Variants in ACACA observed in about 807,000 individuals in gnomAD.
ACACA encodes the protein acetyl-CoA carboxylase alpha.
Under a neutral mutation model 296.1 loss-of-function variants are expected in ACACA, and 103 were observed. The observed-to-expected ratio is 0.35, with a 90% CI of 0.30 to 0.41. The LOEUF (loss-of-function observed/expected upper bound fraction) is 0.41. Among genes scored for constraint, ACACA ranks in the 10% least tolerant of loss-of-function variants. ACACA has a pLI of 1.00. For synonymous variants in ACACA, 953 were observed against 1,038.6 expected (o/e 0.92, Z 1.58); for missense variants, 1,554 against 2,989.7 (o/e 0.52, Z 11.20).
At chr17:37,183,878 G>A (rs1598098530) in intron 39 of ACACA, among the ~76,000 whole-genome samples, 1 of 138,752 alleles carries the variant, frequency 7.2e-6, no homozygotes, top group Admixed American at 7.2e-5. Context: ...TGGAGACGGA[G>A]TTTCACTCTT....
chr17:37,389,617 G>A lies in ACACA; in HGVS notation c.38+16645C>T, dbSNP rs181818800. On this transcript the variant is annotated intron_variant, in intron 1 of 55. Coordinates refer to ENST00000616317, the MANE Select transcript of ACACA (RefSeq NM_198834.3). ...CAGGAGAATCGCTTGAACCTGGGAG[G>A]TGGAGGTTGCAGTGAGCCGAGATTG... Among the ~76,000 whole-genome samples the A allele has an allele frequency of 3.0e-4, 45 of 152,086 alleles. 1 individual carries two copies. Among genetic ancestry groups the A allele is most frequent in the African/African-American group, 1.1e-3 (45 of 41,478 alleles).
At position 37,097,557 on chromosome 17, in the gene ACACA, C is replaced by T. The variant is rs539633196; in HGVS notation, c.6720+273G>A. On this transcript the variant is annotated intron_variant, in intron 53 of 55. Coordinates refer to ENST00000616317, the MANE Select transcript of ACACA (RefSeq NM_198834.3). The surrounding 1 kb of genome is among the most constrained non-coding windows in gnomAD (Gnocchi z 4.8). ...TATAGTAACCCACATCCTGAGGACCCGTCACCAATGAAGTCACATGTGACT... is the reference window on the plus strand; with the variant it reads ...TATAGTAACCCACATCCTGAGGACCTGTCACCAATGAAGTCACATGTGACT... 3.2e-4 allele frequency among the ~76,000 whole-genome samples: 48 copies of T among 152,262 alleles called. No individual in the cohort carries two copies. Among genetic ancestry groups the T allele is most frequent in the Admixed American group, 1.7e-3 (26 of 15,292 alleles).
At position 37,113,015 on chromosome 17, in the gene ACACA, A is replaced by G; in HGVS notation, c.6452+73T>C. On this transcript the variant is annotated intron_variant, in intron 51 of 55. Transcript: ENST00000616317. The surrounding 1 kb of genome is among the most constrained non-coding windows in gnomAD (Gnocchi z 4.0). Reference sequence around the variant, plus strand: ...TGGGTGCTGTAGTGCCATGGCTGTAACATTCTCCAGGAGGAAACCAACAGC... The same window carrying G: ...TGGGTGCTGTAGTGCCATGGCTGTAGCATTCTCCAGGAGGAAACCAACAGC... The G allele has an allele frequency of 6.3e-7, 1 of 1,575,720 alleles. No individual in the cohort carries two copies. Among genetic ancestry groups the G allele is most frequent in the South Asian group, 1.1e-5 (1 of 89,342 alleles).
intron 1 of ACACA, among the ~76,000 whole-genome samples, chr17:37,365,167 C>T (rs1180872468): frequency 6.6e-6 from 1 of 152,130 alleles, no homozygotes; most frequent in Admixed American, 6.6e-5. Flanking sequence ...CTATATTGGC[C>T]AGGCTGGTCT....
At chr17:37,400,651 CATA>C (rs1265496111) in intron 1 of ACACA, among the ~76,000 whole-genome samples, 9 of 152,106 alleles carry the variant, frequency 5.9e-5, no homozygotes, top group African/African-American at 1.2e-4. Context: ...TTTCACTTAG[CATA>C]ATGTCCTCCA....
chr17:37,247,680 T>C (rs571883375), intron 18 of ACACA, among the ~76,000 whole-genome samples: 249 of 152,364 alleles, frequency 1.6e-3, no homozygotes, highest in African/African-American at 5.8e-3. Flanking sequence ...TTTGTGAATG[T>C]ATTTAAAGAA....
At chr17:37,153,753 G>A (rs1470463422) in intron 43 of ACACA, among the ~76,000 whole-genome samples, 4 of 152,018 alleles carry the variant, frequency 2.6e-5, no homozygotes, top group Non-Finnish European at 5.9e-5. Flanking sequence ...TTATAGCCCA[G>A]GGGTGCTATG....
chr17:37,334,636 AG>A (rs35244497), intron 2 of ACACA, among the ~76,000 whole-genome samples: 1 of 152,148 alleles, frequency 6.6e-6, no homozygotes, highest in African/African-American at 2.4e-5. Context: ...AATGACAACC[AG>A]GGGGAAAGTA....
At chr17:37,206,673 G>T in intron 32 of ACACA, 110 bp downstream of exon 32, 1 of 877,484 alleles carries the variant, frequency 1.1e-6, no homozygotes, top group African/African-American at 1.7e-5. Context: ...TATAAAGTGG[G>T]GTAAAAGGAT....
rs1476023061 is a variant in ACACA, at chr17:37,121,627, A to G, written c.6139-137T>C. The G allele has an allele frequency of 4.4e-6, 5 of 1,125,228 alleles. No homozygotes were observed. In the African/African-American group the frequency reaches 7.7e-5, roughly 17 times the overall value. 69.7% of individuals were successfully genotyped at this position (1,125,228 alleles called of 1,614,324 possible). A position where few individuals can be genotyped will look rare whatever the true frequency, so the allele number is the denominator to read the frequency against. On this transcript the variant is annotated intron_variant, in intron 49 of 55. Coordinates refer to ENST00000616317, the MANE Select transcript of ACACA (RefSeq NM_198834.3). ...ACAAAAACTATTGTTCATCAAGATC[A>G]TCATGTTTGGAGTAAAAAAGAAGAA...
chr17:37,282,412 C>T (rs1178450634), intron 5 of ACACA, among the ~76,000 whole-genome samples: 1 of 152,168 alleles, frequency 6.6e-6, no homozygotes, highest in African/African-American at 2.4e-5. Flanking sequence ...ATTACGCAGC[C>T]TCAGGTATTT....
chr17:37,177,962 A>G (rs1238297949), intron 41 of ACACA, among the ~76,000 whole-genome samples: 1 of 152,226 alleles, frequency 6.6e-6, no homozygotes, highest in Non-Finnish European at 1.5e-5. Flanking sequence ...ATATATAGTG[A>G]AATTTTTTGA....
chr17:37,290,610 A>T (rs553253728), intron 3 of ACACA, among the ~76,000 whole-genome samples: 1 of 152,194 alleles, frequency 6.6e-6, no homozygotes, highest in Non-Finnish European at 1.5e-5. Context: ...TCTGACTCTA[A>T]GTCCTTGAAC....
intron 1 of ACACA, among the ~76,000 whole-genome samples, chr17:37,340,828 G>C (rs1443323343): frequency 6.6e-6 from 1 of 152,098 alleles, no homozygotes. Flanking sequence ...GTCAAATATT[G>C]CAAGTGACTG....
chr17:37,150,020 T>C, intron 44 of ACACA, 46 bp from the exon 45 acceptor site: 1 of 1,552,574 alleles, frequency 6.4e-7, no homozygotes, highest in Non-Finnish European at 8.9e-7. Flanking sequence ...ATGTCCTCTC[T>C]GAAGCTATAA....
chr17:37,129,276 A>G (rs2074974150), intron 47 of ACACA, 89 bp downstream of exon 47: 5 of 1,553,900 alleles, frequency 3.2e-6, no homozygotes, highest in African/African-American at 1.4e-5. Context: ...TCTTAGTCAC[A>G]TGTGATTGTT....
intron 3 of ACACA, among the ~76,000 whole-genome samples, chr17:37,287,378 T>C (rs2082824557): frequency 6.6e-6 from 1 of 152,092 alleles, no homozygotes; most frequent in South Asian, 2.1e-4. Context: ...ATTTTCCCTA[T>C]ACTTCACATG....
chr17:37,379,428 A>G (rs2050148000), intron 1 of ACACA: 12 of 1,585,630 alleles, frequency 7.6e-6, no homozygotes, highest in Non-Finnish European at 1.0e-5. Context: ...CTTTTAGTTG[A>G]CATCCTTGAA....
intron 55 of ACACA, among the ~76,000 whole-genome samples, chr17:37,087,998 A>T (rs2072334029): frequency 6.6e-6 from 1 of 152,338 alleles, no homozygotes; most frequent in Non-Finnish European, 1.5e-5. Context: ...ATCAGTAATT[A>T]TACGGTAGAG....
Sources: gnomAD v4.1 joint callset for allele counts (sites outside exome capture counted in the v4.1 genomes callset) on GRCh38, gnomAD v4.1.1 for gene constraint, Gnocchi (gnomAD v3.1) non-coding constraint, MANE v1.5 for transcripts, NCBI Gene and HGNC (gene_info 2026-07-23, HGNC 2026-07-21) for gene names.